PPP2R2B: variants seen among roughly 807,000 people sequenced by gnomAD.
The protein encoded by PPP2R2B is serine/threonine-protein phosphatase 2A 55 kDa regulatory subunit B beta isoform.
A neutral mutation model predicts 46.0 loss-of-function variants in PPP2R2B; 5 were observed. The ratio of observed to expected loss-of-function variants is 0.11; its 90% CI spans 0.06 to 0.23. PPP2R2B has a LOEUF of 0.23. PPP2R2B is among the 10% of genes least tolerant of loss of function. PPP2R2B has a pLI of 1.00. For synonymous variants in PPP2R2B, 215 were observed against 206.7 expected (o/e 1.04, Z -0.34); for missense variants, 367 against 575.0 (o/e 0.64, Z 3.70).
chr5:147,028,418 C>T (rs1239218383), intron 1 of PPP2R2B, among the ~76,000 whole-genome samples: 1 of 152,126 alleles, frequency 6.6e-6, no homozygotes, highest in Non-Finnish European at 1.5e-5. Context: ...CAAAAAACAC[C>T]TTTGGATTCC....
intron 7 of PPP2R2B, among the ~76,000 whole-genome samples, chr5:146,625,229 C>T (rs1773968233): frequency 6.6e-6 from 1 of 152,056 alleles, no homozygotes; most frequent in East Asian, 1.9e-4. Context: ...TTTTTTATTG[C>T]CATTTTCCCA....
intron 2 of PPP2R2B, among the ~76,000 whole-genome samples, chr5:146,768,298 T>C (rs917668786): frequency 1.3e-5 from 2 of 152,144 alleles, no homozygotes; most frequent in Non-Finnish European, 2.9e-5. Flanking sequence ...GGTCTTGAAC[T>C]CCTGAACTCA....
At chr5:146,897,729 T>C (rs662354) in intron 1 of PPP2R2B, among the ~76,000 whole-genome samples, 70,603 of 151,838 alleles carry the variant, frequency 0.46, 17,695 homozygotes, top group East Asian at 0.7. Context: ...AATTTGTATG[T>C]GCAGAAACAT....
At chr5:146,713,976 G>A (rs1780345114) in intron 2 of PPP2R2B, among the ~76,000 whole-genome samples, 1 of 152,084 alleles carries the variant, frequency 6.6e-6, no homozygotes, top group Non-Finnish European at 1.5e-5. Context: ...TTCAGATAGT[G>A]TTTAAAGCAA....
intron 2 of PPP2R2B, among the ~76,000 whole-genome samples, chr5:146,773,819 TGA>T (rs1199142678): frequency 2.0e-5 from 3 of 152,230 alleles, no homozygotes; most frequent in African/African-American, 7.2e-5. Context: ...TTAATTGCCA[TGA>T]GTTTTTTGTT....
intron 1 of PPP2R2B, among the ~76,000 whole-genome samples, chr5:146,947,709 C>T (rs1007940380): frequency 2.0e-5 from 3 of 151,888 alleles, no homozygotes; most frequent in South Asian, 2.1e-4. Flanking sequence ...AGAGATCTAA[C>T]GGCCATATGC....
intron 1 of PPP2R2B, among the ~76,000 whole-genome samples, chr5:146,946,237 T>C (rs1232411707): frequency 6.6e-6 from 1 of 152,082 alleles, no homozygotes; most frequent in African/African-American, 2.4e-5. Flanking sequence ...CTTGAAGCAG[T>C]ACCAGATGAA....
chr5:146,795,945 T>A (rs1369653626), intron 2 of PPP2R2B, among the ~76,000 whole-genome samples: 1 of 152,186 alleles, frequency 6.6e-6, no homozygotes, highest in Non-Finnish European at 1.5e-5. Flanking sequence ...CTATGCACAT[T>A]TTTATCTATG....
intron 1 of PPP2R2B, among the ~76,000 whole-genome samples, chr5:147,028,649 T>C (rs1755636810): frequency 6.6e-6 from 1 of 152,216 alleles, no homozygotes; most frequent in South Asian, 2.1e-4. Context: ...TGAACATTCT[T>C]ATACATGTCT....
chr5:146,890,047 CTTCTTAACTTTTGTTTTGCGT>C (rs1434191124), intron 1 of PPP2R2B, among the ~76,000 whole-genome samples: 1 of 152,314 alleles, frequency 6.6e-6, no homozygotes, highest in East Asian at 1.9e-4. Context: ...CACAATGGCT[CTTCTTAACTTTTGTTTTGCGT>C]CATATGCACC....
intron 1 of PPP2R2B, among the ~76,000 whole-genome samples, chr5:146,897,796 C>A (rs1762693993): frequency 7.3e-6 from 1 of 136,970 alleles, no homozygotes; most frequent in African/African-American, 3.0e-5. Context: ...AGAAGGAAAA[C>A]ATAGAGAATA....
At chr5:146,609,195 C>T (rs1003423381) in intron 7 of PPP2R2B, among the ~76,000 whole-genome samples, 34 of 152,020 alleles carry the variant, frequency 2.2e-4, no homozygotes, top group Non-Finnish European at 1.0e-4. Context: ...ATAGAAGAAA[C>T]GTACCTTAAA....
chr5:146,951,710 A>G (rs1751608871), intron 1 of PPP2R2B, among the ~76,000 whole-genome samples: 1 of 152,124 alleles, frequency 6.6e-6, no homozygotes, highest in African/African-American at 2.4e-5. Flanking sequence ...TTATGGCTGC[A>G]TAATATTGCA....
intron 2 of PPP2R2B, among the ~76,000 whole-genome samples, chr5:146,788,551 C>G (rs1041780189): frequency 6.6e-6 from 1 of 152,162 alleles, no homozygotes; most frequent in Admixed American, 6.5e-5. Context: ...GCCAACAAGA[C>G]GAAACCCCGT....
At chr5:146,671,033 G>A (rs769832099) in intron 5 of PPP2R2B, among the ~76,000 whole-genome samples, 5 of 152,154 alleles carry the variant, frequency 3.3e-5, no homozygotes, top group Non-Finnish European at 7.3e-5. Flanking sequence ...AGTGTTATGA[G>A]AGAGGTTAAA....
chr5:146,870,686 G>A lies in PPP2R2B; in HGVS notation c.70+7316C>T, dbSNP rs1157208421. Among the ~76,000 whole-genome samples, 10 of 152,230 alleles carry A rather than the reference G, an allele frequency of 6.6e-5. No individual in the cohort carries two copies. In the East Asian group the frequency reaches 1.5e-3, roughly 24 times the overall value. ...GGTAAGGTACTCTTCGCCACGCTCC[G>A]TCCAACAGACCCCATCCTTCTCAGG... is the stretch of plus-strand genomic sequence containing the variant. On this transcript the variant is annotated intron_variant, in intron 2 of 9. Transcript: ENST00000394411.
intron 2 of PPP2R2B, among the ~76,000 whole-genome samples, chr5:146,786,031 T>G (rs778590781): frequency 1.3e-5 from 2 of 152,054 alleles, no homozygotes; most frequent in Non-Finnish European, 2.9e-5. Context: ...GAGAGAAGAT[T>G]TGGTATCTTC....
intron 2 of PPP2R2B, among the ~76,000 whole-genome samples, chr5:146,861,125 G>A (rs1395020683): frequency 1.4e-5 from 2 of 145,230 alleles, no homozygotes; most frequent in African/African-American, 5.2e-5. Flanking sequence ...GCGCGATCTC[G>A]GCTCATTGCA....
At chr5:146,646,268 A>C (rs1476847351) in intron 6 of PPP2R2B, among the ~76,000 whole-genome samples, 1 of 152,198 alleles carries the variant, frequency 6.6e-6, no homozygotes, top group African/African-American at 2.4e-5. Flanking sequence ...ATGTTGGACA[A>C]GGTAAGAACT....
Sources: gnomAD v4.1 joint callset for allele counts (sites outside exome capture counted in the v4.1 genomes callset) on GRCh38, gnomAD v4.1.1 for gene constraint, MANE v1.5 for transcripts, NCBI Gene and HGNC (gene_info 2026-07-23, HGNC 2026-07-21) for gene names.